Variants in METTL8 observed in about 807,000 individuals in gnomAD.
METTL8 encodes the protein tRNA N(3)-cytidine methyltransferase METTL8, mitochondrial.
A neutral mutation model predicts 48.7 loss-of-function variants in METTL8; 32 were observed. The observed-to-expected ratio is 0.66, with a 90% CI of 0.50 to 0.88. The LOEUF (loss-of-function observed/expected upper bound fraction) is 0.88, where lower values mean the gene tolerates loss of function less well. METTL8 is among the 40% of genes least tolerant of loss of function. METTL8 has a pLI of 0.00. For synonymous variants in METTL8, 136 were observed against 157.1 expected (o/e 0.87, Z 1.01); for missense variants, 464 against 474.4 (o/e 0.98, Z 0.20).
At chr2:171,401,049 A>C (rs75833883) in intron 1 of METTL8, among the ~76,000 whole-genome samples, 1 of 152,266 alleles carries the variant, frequency 6.6e-6, no homozygotes, top group East Asian at 1.9e-4. Context: ...GTATCCTTTA[A>C]ATAAGTAAAT....
chr2:171,382,723 T>TA (rs907953490), intron 2 of METTL8, among the ~76,000 whole-genome samples: 9 of 148,316 alleles, frequency 6.1e-5, no homozygotes, highest in East Asian at 3.9e-4. Context: ...AAGTAAAATT[T>TA]AAAAAAAAAG....
At chr2:171,394,238 T>C (rs1176378959) in intron 1 of METTL8, among the ~76,000 whole-genome samples, 1 of 151,974 alleles carries the variant, frequency 6.6e-6, no homozygotes, top group Non-Finnish European at 1.5e-5. Flanking sequence ...TGCTGAAGAG[T>C]AGAAATTGAT....
intron 1 of METTL8, among the ~76,000 whole-genome samples, chr2:171,393,543 AAT>A (rs1230734799): frequency 6.6e-6 from 1 of 152,168 alleles, no homozygotes; most frequent in Non-Finnish European, 1.5e-5. Context: ...TGTACTTGTA[AAT>A]ATGTCACTTT....
intron 3 of METTL8, among the ~76,000 whole-genome samples, chr2:171,346,900 G>A (rs1024168858): frequency 3.3e-5 from 5 of 152,194 alleles, no homozygotes; most frequent in African/African-American, 1.2e-4. Context: ...CAGAAATTGC[G>A]CTGGATGGCT....
intron 1 of METTL8, among the ~76,000 whole-genome samples, chr2:171,400,698 C>T (rs1010008059): frequency 3.3e-5 from 5 of 152,116 alleles, no homozygotes; most frequent in East Asian, 1.9e-4. Context: ...GTCTTTTCAC[C>T]GGTTTGCTTC....
rs144608446 is a variant in METTL8, at chr2:171,327,871, G to A, written c.861-1723C>T. Among the ~76,000 whole-genome samples the A allele has an allele frequency of 1.9e-3, 290 of 152,060 alleles. 7 individuals are homozygous for A. The East Asian group carries it at 0.028, about 15-fold the overall frequency. On this transcript the variant is annotated intron_variant, in intron 7 of 9. Transcript: ENST00000375258. Reference sequence around the variant, plus strand: ...TTCACTTTCAATATAAATATTTTACGTACATAGCAAAATCTTTCTGTAATT... The same window carrying A: ...TTCACTTTCAATATAAATATTTTACATACATAGCAAAATCTTTCTGTAATT...
chr2:171,404,052 CATATATATATATAT>C (rs60563600), intron 1 of METTL8, among the ~76,000 whole-genome samples: 4,389 of 43,954 alleles, frequency 0.1, 442 homozygotes, highest in East Asian at 0.46. Context: ...TATGCTTTCT[CATATATATATATAT>C]ATATATATAT....
intron 9 of METTL8, among the ~76,000 whole-genome samples, chr2:171,325,574 A>G (rs971564818): frequency 1.1e-4 from 16 of 152,178 alleles, no homozygotes; most frequent in African/African-American, 3.9e-4. Context: ...GGCTAACAAT[A>G]TCTCCAAAAT....
rs1334702263 is a variant in METTL8, at chr2:171,397,389, C to T, written c.-12-5192G>A. Among the ~76,000 whole-genome samples the T allele has an allele frequency of 2.5e-3, 169 of 67,884 alleles. 1 individual carries two copies. The highest frequency in any genetic ancestry group is 4.3e-3 in the Non-Finnish European group (133 of 31,074). 44.5% of individuals were successfully genotyped at this position (67,884 alleles called of 152,430 possible). A position where few individuals can be genotyped will look rare whatever the true frequency, so the allele number is the denominator to read the frequency against. On this transcript the variant is annotated intron_variant, in intron 1 of 9. Coordinates refer to ENST00000375258, the MANE Select transcript of METTL8 (RefSeq NM_001321154.2). ...AAAAAAAAAAAAAAAACAACATCAA[C>T]AACAACAAAAAACTTCAAACAAACA... is the stretch of plus-strand genomic sequence containing the variant.
chr2:171,358,073 A>C lies in METTL8; in HGVS notation c.235+2349T>G, dbSNP rs117064992. On this transcript the variant is annotated intron_variant, in intron 3 of 9. Coordinates refer to ENST00000375258, the MANE Select transcript of METTL8 (RefSeq NM_001321154.2). ...GAGGAAAATGAACAAAGCTGAGGCC[A>C]GGTGTGGTGGCTCACACCTGTAATC... is the stretch of plus-strand genomic sequence containing the variant. Among the ~76,000 whole-genome samples the C allele has an allele frequency of 1.9e-3, 292 of 152,106 alleles. 7 individuals are homozygous for C. The East Asian group carries it at 0.029, about 15-fold the overall frequency.
At chr2:171,393,207 G>A (rs905293716) in intron 1 of METTL8, among the ~76,000 whole-genome samples, 1 of 151,964 alleles carries the variant, frequency 6.6e-6, no homozygotes, top group African/African-American at 2.4e-5. Flanking sequence ...AGTTACTTGA[G>A]TCCAAGAGTT....
Position 171,425,450 on chromosome 2 carries a change from A to C in METTL8, c.-13+8433T>G, listed in dbSNP as rs575297938. Among the ~76,000 whole-genome samples, 5 of 152,326 alleles carry C rather than the reference A, an allele frequency of 3.3e-5. No homozygotes were observed. The South Asian group carries it at 6.2e-4, about 19-fold the overall frequency. On this transcript the variant is annotated intron_variant, in intron 1 of 9. Transcript: ENST00000375258. Reference sequence around the variant, plus strand: ...TTTATGTAAGACCTCATCTTAGCAGAGGAGGTCAGAGAGACATTCTCCTAT... The same window carrying C: ...TTTATGTAAGACCTCATCTTAGCAGCGGAGGTCAGAGAGACATTCTCCTAT...
intron 2 of METTL8, among the ~76,000 whole-genome samples, chr2:171,384,834 A>C (rs1687893056): frequency 6.6e-6 from 1 of 152,152 alleles, no homozygotes; most frequent in African/African-American, 2.4e-5. Flanking sequence ...GCTGTCTTTA[A>C]ATTAATTAAT....
At chr2:171,326,618 G>A (rs11685308) in intron 7 of METTL8, among the ~76,000 whole-genome samples, 54,437 of 151,974 alleles carry the variant, frequency 0.36, 10,729 homozygotes, top group African/African-American at 0.52. Flanking sequence ...TATTTAGTTC[G>A]GAGGTACCAC....
At chr2:171,358,722 G>A (rs1428892015) in intron 3 of METTL8, among the ~76,000 whole-genome samples, 2 of 152,034 alleles carry the variant, frequency 1.3e-5, no homozygotes, top group Non-Finnish European at 2.9e-5. Flanking sequence ...AAAACATTGG[G>A]GGAAATGCTC....
intron 3 of METTL8, among the ~76,000 whole-genome samples, chr2:171,354,056 G>A (rs576807764): frequency 1.3e-5 from 2 of 152,236 alleles, no homozygotes; most frequent in African/African-American, 2.4e-5. Flanking sequence ...TCCTAGCATC[G>A]ATGGTCTTTA....
chr2:171,410,881 G>A (rs1457040737), intron 1 of METTL8, among the ~76,000 whole-genome samples: 1 of 152,170 alleles, frequency 6.6e-6, no homozygotes, highest in Non-Finnish European at 1.5e-5. Flanking sequence ...AGTACATACT[G>A]TAATACCACA....
At chr2:171,434,312 C>T (rs1192400832), upstream of METTL8, 2 of 636,012 alleles carry the variant, frequency 3.1e-6, no homozygotes, top group Non-Finnish European at 2.9e-6. Flanking sequence ...ACCGGAGCGT[C>T]GCACTGTCAG....
intron 3 of METTL8, among the ~76,000 whole-genome samples, chr2:171,348,009 T>G (rs1683467700): frequency 6.6e-6 from 1 of 152,194 alleles, no homozygotes; most frequent in Non-Finnish European, 1.5e-5. Flanking sequence ...TACCAGAAGA[T>G]AAGATAGGTA....
Sources: allele counts gnomAD v4.1 joint callset (sites outside exome capture counted in the v4.1 genomes callset), GRCh38; gene constraint gnomAD v4.1.1; transcripts MANE v1.5; gene names NCBI Gene and HGNC (gene_info 2026-07-23, HGNC 2026-07-21).